The following TTC39C variants were observed in gnomAD, a reference collection of about 807,000 sequenced individuals.
TTC39C encodes tetratricopeptide repeat protein 39C.
TTC39C carries 33 observed loss-of-function variants against 76.3 expected under a neutral mutation model. The observed-to-expected ratio is 0.43, with a 90% CI of 0.33 to 0.58. The LOEUF is 0.58. Among genes scored for constraint, TTC39C ranks in the 20% least tolerant of loss-of-function variants. The pLI, the probability that TTC39C is intolerant of heterozygous loss-of-function variation, is 0.04. For synonymous variants in TTC39C, 254 were observed against 260.6 expected (o/e 0.97, Z 0.24); for missense variants, 595 against 701.4 (o/e 0.85, Z 1.71).
intron 6 of TTC39C, among the ~76,000 whole-genome samples, chr18:24,094,984 T>C (rs2084570547): frequency 6.6e-6 from 1 of 152,264 alleles, no homozygotes; most frequent in Non-Finnish European, 1.5e-5. Context: ...ATGAAAATTC[T>C]AGATGGCATC....
intron 6 of TTC39C, among the ~76,000 whole-genome samples, chr18:24,095,984 C>A (rs1457224935): frequency 2.0e-5 from 3 of 152,152 alleles, no homozygotes; most frequent in Non-Finnish European, 2.9e-5. Flanking sequence ...AGTGGAGCAG[C>A]CAGATCACAC....
At chr18:24,112,352 T>C (rs537412311) in intron 6 of TTC39C, among the ~76,000 whole-genome samples, 18 of 152,366 alleles carry the variant, frequency 1.2e-4, no homozygotes, top group African/African-American at 4.3e-4. Flanking sequence ...GCACACTTTT[T>C]AGAGGCAGTT....
intron 1 of TTC39C, chr18:24,022,637 C>G: frequency 1.0e-6 from 1 of 985,410 alleles, no homozygotes; most frequent in Non-Finnish European, 1.2e-6. Context: ...CACCCAGAAG[C>G]TATCCATCAA....
At chr18:24,021,352 C>T (rs954642017) in intron 1 of TTC39C, among the ~76,000 whole-genome samples, 2 of 152,208 alleles carry the variant, frequency 1.3e-5, no homozygotes, top group East Asian at 3.9e-4. Context: ...AACGTGGGTC[C>T]GTTTGGGGGT....
chr18:24,007,408 G>C (rs1162832076), intron 1 of TTC39C, among the ~76,000 whole-genome samples: 3 of 152,096 alleles, frequency 2.0e-5, no homozygotes. Flanking sequence ...TTTGGAGATG[G>C]AATCTCACTC....
intron 4 of TTC39C, among the ~76,000 whole-genome samples, chr18:24,072,645 C>A (rs2084256207): frequency 6.6e-6 from 1 of 152,212 alleles, no homozygotes; most frequent in South Asian, 2.1e-4. Flanking sequence ...TTTAAACTTC[C>A]TTATAATGAA....
Position 24,081,144 on chromosome 18 carries a change from C to T in TTC39C, c.815+205C>T, listed in dbSNP as rs190087905. On this transcript the variant is annotated intron_variant, in intron 5 of 13. Coordinates refer to ENST00000317571, the MANE Select transcript of TTC39C (RefSeq NM_001135993.2). ...AGCTGACTTTAGTTAGAGAACAAGG[C>T]GTTGTTCACTAGTCTCACAAGTCAT... Among the ~76,000 whole-genome samples the T allele has an allele frequency of 7.9e-5, 12 of 152,196 alleles. No homozygotes were observed. In the East Asian group the frequency reaches 1.9e-3, roughly 24 times the overall value.
At position 24,131,948 on chromosome 18, in the gene TTC39C, A is replaced by C. The variant is rs370825384; in HGVS notation, c.1662+28A>C. The C allele has an allele frequency of 7.9e-5, 127 of 1,610,272 alleles. 1 individual carries two copies. Among genetic ancestry groups the C allele is most frequent in the Non-Finnish European group, 9.8e-5 (115 of 1,177,628 alleles). ...AAATATCCTGAATCTACCTTTCTCCAGTGGCCCTTCTTATCCCATACACTG... is the reference window on the plus strand; with the variant it reads ...AAATATCCTGAATCTACCTTTCTCCCGTGGCCCTTCTTATCCCATACACTG... On this transcript the variant is annotated intron_variant, in intron 13 of 13. Coordinates refer to ENST00000317571, the MANE Select transcript of TTC39C (RefSeq NM_001135993.2).
chr18:23,994,222 A>G (rs2083241741), intron 1 of TTC39C: 1 of 152,040 alleles, frequency 6.6e-6, no homozygotes, highest in Admixed American at 6.6e-5. Flanking sequence ...GTTTTCCTCA[A>G]AAACCATCAC....
chr18:24,047,088 A>G (rs888111353), intron 1 of TTC39C, among the ~76,000 whole-genome samples: 2 of 151,648 alleles, frequency 1.3e-5, no homozygotes, highest in Non-Finnish European at 2.9e-5. Context: ...ACATTGATAT[A>G]TATTTCTTTT....
At chr18:24,041,072 G>A (rs1177014401) in intron 1 of TTC39C, among the ~76,000 whole-genome samples, 1 of 152,094 alleles carries the variant, frequency 6.6e-6, no homozygotes, top group Non-Finnish European at 1.5e-5. Flanking sequence ...AGGGTCTGTT[G>A]GATTACTAGA....
chr18:24,097,737 T>C (rs1440950364), intron 6 of TTC39C, among the ~76,000 whole-genome samples: 2 of 152,252 alleles, frequency 1.3e-5, no homozygotes, highest in Non-Finnish European at 2.9e-5. Context: ...GAATTATTCC[T>C]ATAAACTTTT....
intron 1 of TTC39C, chr18:23,994,103 G>A (rs1355904710): frequency 6.6e-6 from 1 of 152,046 alleles, no homozygotes; most frequent in Admixed American, 6.6e-5. Context: ...ATAAATGAAG[G>A]CTAAAAACAG....
At chr18:24,036,298 C>T (rs1405413296) in intron 1 of TTC39C, among the ~76,000 whole-genome samples, 1 of 152,178 alleles carries the variant, frequency 6.6e-6, no homozygotes, top group Non-Finnish European at 1.5e-5. Context: ...TACACTGAAT[C>T]TAGAGGTAAC....
Position 24,001,831 on chromosome 18 carries a change from T to TTTTTTG in TTC39C, c.-17+8798_-17+8799insGTTTTT, listed in dbSNP as rs767183787. ...AGGTGTACGGTAATTCTGTTTTTTT[T>TTTTTTG]TTTTTTTTTTTTGAGACGGAGTCTC... On this transcript the variant is annotated intron_variant, in intron 1 of 13. Transcript: ENST00000304621. Among the ~76,000 whole-genome samples, 68 of 44,510 alleles carry TTTTTTG rather than the reference T, an allele frequency of 1.5e-3. 1 individual carries two copies. The highest frequency in any genetic ancestry group is 2.7e-3 in the African/African-American group (54 of 20,304). The allele number at this position is 44,510 out of a possible 152,430, so 29.2% of individuals were successfully genotyped here. A position where few individuals can be genotyped will look rare whatever the true frequency, so the allele number is the denominator to read the frequency against.
intron 1 of TTC39C, among the ~76,000 whole-genome samples, chr18:24,023,990 A>C (rs1280262522): frequency 0.051 from 220 of 4,272 alleles, 26 homozygotes; most frequent in Admixed American, 0.093. Context: ...ACATATATAT[A>C]TATATATATA....
chr18:24,054,055 A>T (rs2083985392), intron 1 of TTC39C, among the ~76,000 whole-genome samples: 1 of 152,206 alleles, frequency 6.6e-6, no homozygotes, highest in South Asian at 2.1e-4. Context: ...TATATGGATA[A>T]TATAAAAAGT....
Position 24,057,125 on chromosome 18 carries a change from C to G in TTC39C, c.168-7015C>G, listed in dbSNP as rs973063804. ...TCTTGCTTTATCTATCTTCTGTTCC[C>G]TTTTAATCTCTTTGCCCCAAATTAT... On this transcript the variant is annotated intron_variant, in intron 1 of 13. Coordinates refer to ENST00000317571, the MANE Select transcript of TTC39C (RefSeq NM_001135993.2). 7.9e-5 allele frequency among the ~76,000 whole-genome samples: 12 copies of G among 151,910 alleles called. 1 individual carries two copies. In the South Asian group the frequency reaches 1.2e-3, roughly 16 times the overall value.
intron 6 of TTC39C, among the ~76,000 whole-genome samples, chr18:24,089,839 A>G (rs1243331922): frequency 6.6e-6 from 1 of 152,126 alleles, no homozygotes; most frequent in Non-Finnish European, 1.5e-5. Context: ...CCTGTAAGTA[A>G]GTGGGTTGTT....
Sources: gnomAD v4.1 joint callset for allele counts (sites outside exome capture counted in the v4.1 genomes callset) on GRCh38, gnomAD v4.1.1 for gene constraint, MANE v1.5 for transcripts, NCBI Gene and HGNC (gene_info 2026-07-23, HGNC 2026-07-21) for gene names.